The following ZEB1 variants were observed in gnomAD, a reference collection of about 807,000 sequenced individuals.
ZEB1 encodes the protein zinc finger E-box binding homeobox 1, also known as zinc finger E-box-binding homeobox 1.
Under a neutral mutation model 84.9 loss-of-function variants are expected in ZEB1, and 21 were observed. The ratio of observed to expected loss-of-function variants is 0.25; its 90% CI spans 0.18 to 0.36. The LOEUF (loss-of-function observed/expected upper bound fraction) is 0.36, where lower values mean the gene tolerates loss of function less well. ZEB1 is among the 10% of genes least tolerant of loss of function. ZEB1 has a pLI of 1.00. For missense variants in ZEB1, 1,104 were observed against 1,330.2 expected, an observed-to-expected ratio of 0.83 and a Z score of 2.65; for synonymous variants, 420 against 471.1, an observed-to-expected ratio of 0.89 and a Z score of 1.41.
intron 1 of ZEB1, among the ~76,000 whole-genome samples, chr10:31,379,982 C>G (rs1013914529): frequency 3.3e-5 from 5 of 152,122 alleles, no homozygotes; most frequent in African/African-American, 1.2e-4. Context: ...TTAACAATAA[C>G]TACTAACCAC....
Position 31,405,783 on chromosome 10 carries a change from T to C in ZEB1, c.59-55254T>C, listed in dbSNP as rs143900996. The stretch of plus-strand genomic sequence containing the variant: ...ATAGGTATACATGTGTCATGGTGGT[T>C]TGTTGCACCCATCAACCCGTCATCT... On this transcript the variant is annotated intron_variant, in intron 1 of 8. Transcript: ENST00000424869. Among the ~76,000 whole-genome samples, 339 of 152,104 alleles carry C rather than the reference T, an allele frequency of 2.2e-3. 1 individual carries two copies. Among genetic ancestry groups the C allele is most frequent in the African/African-American group, 8.0e-3 (330 of 41,482 alleles).
intron 2 of ZEB1, among the ~76,000 whole-genome samples, chr10:31,479,814 A>ATATTAAAC (rs770616970): frequency 6.3e-4 from 95 of 151,982 alleles, no homozygotes; most frequent in Non-Finnish European, 1.2e-3. Flanking sequence ...TTTATTGTAA[A>ATATTAAAC]TATTAAACTA....
intron 1 of ZEB1, among the ~76,000 whole-genome samples, chr10:31,378,785 C>G (rs1442931612): frequency 6.6e-6 from 1 of 151,784 alleles, no homozygotes; most frequent in African/African-American, 2.4e-5. Context: ...ACAGACAATC[C>G]CATCTTACAC....
At chr10:31,423,411 G>A (rs1037335199) in intron 1 of ZEB1, among the ~76,000 whole-genome samples, 2 of 152,218 alleles carry the variant, frequency 1.3e-5, no homozygotes, top group South Asian at 4.1e-4. Flanking sequence ...CCAGGTGAAG[G>A]AAATGATTAA....
rs1298930009 is a variant in ZEB1, at chr10:31,465,462, A to ATATATATT, written c.259+4232_259+4233insTTATATAT. 2.4e-4 allele frequency among the ~76,000 whole-genome samples: 36 copies of ATATATATT among 148,716 alleles called. No homozygotes were observed. The South Asian group carries it at 6.9e-3, about 28-fold the overall frequency. ...GATAAACCATGCGATTGCAAAAAAT[A>ATATATATT]TATATATATATATAAAATATCAATG... On this transcript the variant is annotated intron_variant, in intron 2 of 8. Coordinates refer to ENST00000424869, the MANE Select transcript of ZEB1 (RefSeq NM_001174096.2).
intron 2 of ZEB1, among the ~76,000 whole-genome samples, chr10:31,473,999 C>T (rs1361505894): frequency 6.6e-6 from 1 of 152,168 alleles, no homozygotes; most frequent in African/African-American, 2.4e-5. Context: ...GGAAAACCGG[C>T]TAGCCATATG....
chr10:31,515,075 G>A (rs999709449), intron 6 of ZEB1, among the ~76,000 whole-genome samples: 2 of 152,004 alleles, frequency 1.3e-5, no homozygotes, highest in Admixed American at 6.6e-5. Flanking sequence ...AAGAGAATAG[G>A]GAAGTGAAGA....
chr10:31,318,813 C>A (rs566970943), upstream of ZEB1: 227 of 324,186 alleles, frequency 7.0e-4, 4 homozygotes, highest in African/African-American at 4.5e-3. Flanking sequence ...CAGGGAGAAT[C>A]AGCCAGATCC....
chr10:31,470,061 G>A (rs1334431993), intron 2 of ZEB1, among the ~76,000 whole-genome samples: 2 of 151,522 alleles, frequency 1.3e-5, no homozygotes, highest in Non-Finnish European at 3.0e-5. Context: ...AAACCCATCT[G>A]TACATCACCA....
intron 4 of ZEB1, among the ~76,000 whole-genome samples, chr10:31,507,448 G>A (rs1591967783): frequency 6.6e-6 from 1 of 152,028 alleles, no homozygotes; most frequent in East Asian, 1.9e-4. Flanking sequence ...TTTCCTCTTT[G>A]CCTTATAACA....
At chr10:31,353,987 A>G (rs571197612) in intron 1 of ZEB1, among the ~76,000 whole-genome samples, 1 of 152,336 alleles carries the variant, frequency 6.6e-6, no homozygotes, top group Non-Finnish European at 1.5e-5. Flanking sequence ...AAGAATGAGG[A>G]TAGACACAAA....
At chr10:31,443,609 G>A (rs1464408129) in intron 1 of ZEB1, among the ~76,000 whole-genome samples, 1 of 130,592 alleles carries the variant, frequency 7.7e-6, no homozygotes, top group Non-Finnish European at 1.5e-5. Flanking sequence ...TCCCCTTCCT[G>A]TGTCCATGTG....
intron 1 of ZEB1, among the ~76,000 whole-genome samples, chr10:31,429,148 C>G (rs2057359927): frequency 6.6e-6 from 1 of 152,116 alleles, no homozygotes; most frequent in Non-Finnish European, 1.5e-5. Context: ...ATGTGGTTGA[C>G]TTTATAGTGC....
chr10:31,388,087 A>T (rs958396891), intron 1 of ZEB1, among the ~76,000 whole-genome samples: 2 of 152,176 alleles, frequency 1.3e-5, no homozygotes, highest in African/African-American at 4.8e-5. Flanking sequence ...TGTCATTTGG[A>T]TATCATTAAT....
At chr10:31,405,857 T>A (rs1202529503) in intron 1 of ZEB1, among the ~76,000 whole-genome samples, 1 of 152,090 alleles carries the variant, frequency 6.6e-6, no homozygotes, top group Admixed American at 6.6e-5. Flanking sequence ...CTCCCACACC[T>A]CAACAGGCCC....
At position 31,344,926 on chromosome 10, in the gene ZEB1, T is replaced by C. The variant is rs190817142; in HGVS notation, c.58+25634T>C. 6.1e-4 allele frequency among the ~76,000 whole-genome samples: 93 copies of C among 152,286 alleles called. 1 individual carries two copies. The highest frequency in any genetic ancestry group is 5.8e-3 in the Admixed American group (89 of 15,288). ...TAATAGATTTAATGAAAAAGAAATC[T>C]TAACTTGAAATTTAAATTAATGAAA... is the stretch of plus-strand genomic sequence containing the variant. On this transcript the variant is annotated intron_variant, in intron 1 of 8. Coordinates refer to ENST00000424869, the MANE Select transcript of ZEB1 (RefSeq NM_001174096.2).
chr10:31,483,696 A>C (rs2065357175), intron 2 of ZEB1, among the ~76,000 whole-genome samples: 1 of 152,008 alleles, frequency 6.6e-6, no homozygotes, highest in Non-Finnish European at 1.5e-5. Context: ...TCTGCAGGGC[A>C]ATCTTATCTG....
upstream of ZEB1, chr10:31,319,166 A>T: frequency 1.9e-6 from 1 of 518,030 alleles, no homozygotes; most frequent in Non-Finnish European, 2.6e-6. Flanking sequence ...GTGGAGGCGG[A>T]GGGGTGGGGG....
rs571374670 is a variant in ZEB1, at chr10:31,447,346, G to C, written c.59-13691G>C. On this transcript the variant is annotated intron_variant, in intron 1 of 8. Coordinates refer to ENST00000424869, the MANE Select transcript of ZEB1 (RefSeq NM_001174096.2). ...ATGGGTTTCCTGAATACAGCACACT[G>C]ATGGGTCTTGACTCTTTATCCAATT... 8.0e-4 allele frequency among the ~76,000 whole-genome samples: 103 copies of C among 129,554 alleles called. 1 individual carries two copies. Among genetic ancestry groups the C allele is most frequent in the African/African-American group, 3.0e-3 (102 of 33,756 alleles). 85.0% of individuals were successfully genotyped at this position (129,554 alleles called of 152,430 possible). A position where few individuals can be genotyped will look rare whatever the true frequency, so the allele number is the denominator to read the frequency against.
Sources: gnomAD v4.1 joint callset for allele counts (sites outside exome capture counted in the v4.1 genomes callset) on GRCh38, gnomAD v4.1.1 for gene constraint, MANE v1.5 for transcripts, NCBI Gene and HGNC (gene_info 2026-07-23, HGNC 2026-07-21) for gene names.